The following CDH4 variants were observed in gnomAD, a reference collection of about 807,000 sequenced individuals.
The protein encoded by CDH4 is cadherin-4.
In CDH4, 33 loss-of-function variants were observed where a neutral mutation model predicts 86.0. That is an observed-to-expected ratio of 0.38 (90% CI 0.29 to 0.51). The LOEUF (loss-of-function observed/expected upper bound fraction) is 0.51. Ranked by LOEUF, CDH4 falls within the 20% of genes least tolerant of loss-of-function variation. The pLI is 0.86. For synonymous variants in CDH4, 555 were observed against 549.4 expected (o/e 1.01, Z -0.14); for missense variants, 1,114 against 1,307.4 (o/e 0.85, Z 2.28).
chr20:61,512,700 A>G (rs1385079706), intron 2 of CDH4, among the ~76,000 whole-genome samples: 1 of 152,228 alleles, frequency 6.6e-6, no homozygotes, highest in African/African-American at 2.4e-5. Context: ...CTCATTTCTC[A>G]GTGGTGCCTG....
intron 7 of CDH4, among the ~76,000 whole-genome samples, chr20:61,894,478 C>T (rs558267194): frequency 6.6e-6 from 1 of 152,310 alleles, no homozygotes; most frequent in African/African-American, 2.4e-5. Context: ...GCTGGACAAG[C>T]TAAACACTCA....
intron 2 of CDH4, among the ~76,000 whole-genome samples, chr20:61,309,925 G>A (rs892764189): frequency 6.6e-6 from 1 of 152,212 alleles, no homozygotes; most frequent in Non-Finnish European, 1.5e-5. Flanking sequence ...TGTGGCAGGG[G>A]CTGGCCAGGT....
chr20:61,659,055 G>C (rs1364576989), intron 2 of CDH4, among the ~76,000 whole-genome samples: 1 of 152,176 alleles, frequency 6.6e-6, no homozygotes, highest in Non-Finnish European at 1.5e-5. Flanking sequence ...TCCAATAGTA[G>C]CTCCCAATCA....
intron 2 of CDH4, among the ~76,000 whole-genome samples, chr20:61,537,782 C>T (rs1473783664): frequency 6.6e-6 from 1 of 152,156 alleles, no homozygotes; most frequent in Non-Finnish European, 1.5e-5. Context: ...CTTGAAAAGC[C>T]TCATTGAGTT....
At chr20:61,313,543 G>C (rs1456849519) in intron 2 of CDH4, among the ~76,000 whole-genome samples, 1 of 152,236 alleles carries the variant, frequency 6.6e-6, no homozygotes, top group Admixed American at 6.5e-5. Flanking sequence ...CACTGCGTGA[G>C]AGCAGCGTGG....
intron 2 of CDH4, among the ~76,000 whole-genome samples, chr20:61,339,628 G>A (rs546811587): frequency 6.6e-6 from 1 of 152,136 alleles, no homozygotes; most frequent in African/African-American, 2.4e-5. Flanking sequence ...AAAAATCAGG[G>A]TCATGCAGAA....
intron 3 of CDH4, among the ~76,000 whole-genome samples, chr20:61,758,526 A>C (rs2088593101): frequency 6.6e-6 from 1 of 152,056 alleles, no homozygotes; most frequent in African/African-American, 2.4e-5. Flanking sequence ...ACTGAGAGAG[A>C]GCCCCGGGGT....
intron 4 of CDH4, among the ~76,000 whole-genome samples, chr20:61,795,847 G>GCGAA (rs1979507747): frequency 6.6e-6 from 1 of 151,990 alleles, no homozygotes; most frequent in African/African-American, 2.4e-5. Flanking sequence ...GAATGAATGA[G>GCGAA]TGAATGAATG....
chr20:61,850,296 G>A (rs1278683904), intron 5 of CDH4, among the ~76,000 whole-genome samples: 1 of 152,232 alleles, frequency 6.6e-6, no homozygotes, highest in African/African-American at 2.4e-5. Flanking sequence ...GAGTTAACGT[G>A]TGTAGGGTTC....
intron 2 of CDH4, among the ~76,000 whole-genome samples, chr20:61,485,175 G>A (rs1473838397): frequency 1.3e-5 from 2 of 152,168 alleles, no homozygotes; most frequent in African/African-American, 4.8e-5. Flanking sequence ...TGCGAGATGT[G>A]TTTGGCAGCC....
chr20:61,534,665 C>CTTTCTT (rs1192776046), intron 2 of CDH4, among the ~76,000 whole-genome samples: 1 of 76,064 alleles, frequency 1.3e-5, no homozygotes, highest in African/African-American at 1.1e-4. Flanking sequence ...TTCTTTCTTT[C>CTTTCTT]TTTTTTTTTT....
intron 2 of CDH4, among the ~76,000 whole-genome samples, chr20:61,440,001 A>G (rs2085306097): frequency 6.6e-6 from 1 of 152,210 alleles, no homozygotes; most frequent in South Asian, 2.1e-4. Context: ...TCACGGCTTG[A>G]TCTTAGCTGA....
At chr20:61,756,093 C>G (rs1368888120) in intron 3 of CDH4, among the ~76,000 whole-genome samples, 1 of 152,214 alleles carries the variant, frequency 6.6e-6, no homozygotes, top group African/African-American at 2.4e-5. Flanking sequence ...GCCTTCTCCT[C>G]TGCACATTCT....
At chr20:61,492,063 G>GGT (rs1028041095) in intron 2 of CDH4, among the ~76,000 whole-genome samples, 8 of 151,790 alleles carry the variant, frequency 5.3e-5, no homozygotes, top group Non-Finnish European at 1.0e-4. Flanking sequence ...TGTTGCTGAT[G>GGT]GTGGTGTCAA....
rs577308282 is a variant in CDH4, at chr20:61,877,567, G to A, written c.1050+3667G>A. 9.9e-5 allele frequency among the ~76,000 whole-genome samples: 15 copies of A among 152,262 alleles called. No individual in the cohort carries two copies. The South Asian group carries it at 1.9e-3, about 19-fold the overall frequency. Reference sequence around the variant, plus strand: ...GATGTGAACAGCCCGGCTTCTATCCGACGGGAGGCCCCGTCTGGTGCATCT... The same window carrying A: ...GATGTGAACAGCCCGGCTTCTATCCAACGGGAGGCCCCGTCTGGTGCATCT... On this transcript the variant is annotated intron_variant, in intron 7 of 15. Coordinates refer to ENST00000614565, the MANE Select transcript of CDH4 (RefSeq NM_001794.5).
intron 2 of CDH4, among the ~76,000 whole-genome samples, chr20:61,381,703 C>A (rs1403310906): frequency 6.6e-6 from 1 of 152,130 alleles, no homozygotes; most frequent in Non-Finnish European, 1.5e-5. Context: ...CTCACTTTCC[C>A]ACCCCAATTT....
chr20:61,274,999 T>G (rs958562209), intron 2 of CDH4, among the ~76,000 whole-genome samples: 2 of 141,298 alleles, frequency 1.4e-5, no homozygotes, highest in Non-Finnish European at 3.0e-5. Flanking sequence ...TATGTGCAGT[T>G]TGGGGAAGCA....
chr20:61,909,976 C>T (rs528065646), intron 8 of CDH4, among the ~76,000 whole-genome samples: 3 of 152,378 alleles, frequency 2.0e-5, no homozygotes, highest in South Asian at 2.1e-4. Context: ...GCAGGGCTGA[C>T]GCACCTGCCG....
intron 2 of CDH4, among the ~76,000 whole-genome samples, chr20:61,535,439 G>T (rs1247297649): frequency 6.6e-6 from 1 of 152,374 alleles, no homozygotes; most frequent in African/African-American, 2.4e-5. Flanking sequence ...ATTTGTCGAG[G>T]CAGTTGCTGA....
Sources: allele counts gnomAD v4.1 joint callset (sites outside exome capture counted in the v4.1 genomes callset), GRCh38; gene constraint gnomAD v4.1.1; transcripts MANE v1.5; gene names NCBI Gene and HGNC (gene_info 2026-07-23, HGNC 2026-07-21).